Variants in LCLAT1 observed in about 807,000 individuals in gnomAD.
The protein encoded by LCLAT1 is 1-AGP acyltransferase 8.
Under a neutral mutation model 30.7 loss-of-function variants are expected in LCLAT1, and 11 were observed. That is an observed-to-expected ratio of 0.36 (90% CI 0.23 to 0.59). The LOEUF is 0.59. Ranked by LOEUF, LCLAT1 falls within the 20% of genes least tolerant of loss-of-function variation. The probability of loss-of-function intolerance (pLI) is 0.77; values close to 1 mark genes in which losing one functional copy is unlikely to be tolerated. For missense variants in LCLAT1, 402 were observed against 458.6 expected, an observed-to-expected ratio of 0.88 and a Z score of 1.13; for synonymous variants, 155 against 151.3, an observed-to-expected ratio of 1.02 and a Z score of -0.18.
Position 30,630,966 on chromosome 2 carries a change from A to G in LCLAT1, c.629-9151A>G, listed in dbSNP as rs186797679. ...GCCTGTTCAAAAACAGAAAATGCCAAAAATTTCTCCTGTAAGTTGTAATTG... is the reference window on the plus strand; with the variant it reads ...GCCTGTTCAAAAACAGAAAATGCCAGAAATTTCTCCTGTAAGTTGTAATTG... On this transcript the variant is annotated intron_variant, in intron 5 of 5. Transcript: ENST00000379509. Among the ~76,000 whole-genome samples the G allele has an allele frequency of 3.3e-5, 5 of 152,328 alleles. No homozygotes were observed. The East Asian group carries it at 7.7e-4, about 23-fold the overall frequency.
At chr2:30,459,696 C>T (rs1219116884) in intron 1 of LCLAT1, 2 of 1,613,788 alleles carry the variant, frequency 1.2e-6, no homozygotes, top group East Asian at 2.2e-5. Context: ...GCACGTACTT[C>T]ATAAAGCAGG....
intron 5 of LCLAT1, among the ~76,000 whole-genome samples, chr2:30,623,345 C>T (rs1279952977): frequency 2.0e-5 from 3 of 152,132 alleles, no homozygotes; most frequent in Non-Finnish European, 2.9e-5. Flanking sequence ...TGAGCCACCA[C>T]ACCTGGCCCT....
chr2:30,627,135 G>A (rs1668547784), intron 5 of LCLAT1, among the ~76,000 whole-genome samples: 1 of 152,168 alleles, frequency 6.6e-6, no homozygotes, highest in Admixed American at 6.5e-5. Flanking sequence ...ACAAAGAACA[G>A]CAAAAGTGAG....
chr2:30,584,358 T>TG (rs1666338013), intron 5 of LCLAT1, among the ~76,000 whole-genome samples: 1 of 152,240 alleles, frequency 6.6e-6, no homozygotes, highest in African/African-American at 2.4e-5. Flanking sequence ...TTGTTGTTGT[T>TG]GCAGTTGTTC....
chr2:30,466,444 C>G (rs938917162), intron 1 of LCLAT1, among the ~76,000 whole-genome samples: 2 of 151,938 alleles, frequency 1.3e-5, no homozygotes, highest in Non-Finnish European at 2.9e-5. Context: ...ATCCATATTT[C>G]TATTTTTGTT....
At chr2:30,551,663 T>C (rs1572612829) in intron 3 of LCLAT1, among the ~76,000 whole-genome samples, 1 of 152,150 alleles carries the variant, frequency 6.6e-6, no homozygotes, top group African/African-American at 2.4e-5. Context: ...TTTCTTTCTG[T>C]AGGATTGCTA....
chr2:30,578,648 T>TA (rs745731599), intron 5 of LCLAT1, among the ~76,000 whole-genome samples: 16 of 152,256 alleles, frequency 1.1e-4, no homozygotes, highest in South Asian at 2.1e-4. Context: ...CTCTCAAAGC[T>TA]AAAAAACAAA....
intron 5 of LCLAT1, among the ~76,000 whole-genome samples, chr2:30,617,554 C>T (rs1668052172): frequency 6.6e-6 from 1 of 152,164 alleles, no homozygotes; most frequent in African/African-American, 2.4e-5. Context: ...CATACCTATG[C>T]TGTCATTCTC....
intron 3 of LCLAT1, among the ~76,000 whole-genome samples, chr2:30,551,579 A>G (rs777579657): frequency 4.6e-5 from 7 of 152,166 alleles, no homozygotes; most frequent in Non-Finnish European, 1.0e-4. Flanking sequence ...AAAGGACACA[A>G]ATTTATTATA....
chr2:30,612,898 A>T (rs1454011478), intron 5 of LCLAT1, among the ~76,000 whole-genome samples: 1 of 152,158 alleles, frequency 6.6e-6, no homozygotes, highest in Non-Finnish European at 1.5e-5. Flanking sequence ...GGAATACACC[A>T]ATGAATAAAA....
At chr2:30,549,475 TAGAA>T (rs1664583680) in intron 3 of LCLAT1, among the ~76,000 whole-genome samples, 1 of 152,216 alleles carries the variant, frequency 6.6e-6, no homozygotes, top group African/African-American at 2.4e-5. Context: ...GTAACTTCAG[TAGAA>T]AGAAATTCAG....
intron 5 of LCLAT1, among the ~76,000 whole-genome samples, chr2:30,573,426 C>G (rs1336450397): frequency 6.6e-6 from 1 of 152,148 alleles, no homozygotes; most frequent in Non-Finnish European, 1.5e-5. Context: ...AGATAGGTAT[C>G]CAGGTACTGG....
intron 1 of LCLAT1, among the ~76,000 whole-genome samples, chr2:30,457,971 T>C (rs1681916535): frequency 6.6e-6 from 1 of 152,152 alleles, no homozygotes; most frequent in South Asian, 2.1e-4. Flanking sequence ...ATAAGAATTC[T>C]TTTTAAAAAA....
chr2:30,529,158 A>G (rs1436754915), intron 2 of LCLAT1, among the ~76,000 whole-genome samples: 1 of 152,260 alleles, frequency 6.6e-6, no homozygotes, highest in African/African-American at 2.4e-5. Flanking sequence ...ATTAGGATAA[A>G]TGCACTTAAA....
At position 30,591,832 on chromosome 2, in the gene LCLAT1, AC is replaced by A. The variant is rs1227800288; in HGVS notation, c.628+23658del. Among the ~76,000 whole-genome samples the A allele has an allele frequency of 8.5e-5, 13 of 152,174 alleles. 1 individual carries two copies. The East Asian group carries it at 2.3e-3, about 27-fold the overall frequency. On this transcript the variant is annotated intron_variant, in intron 5 of 5. Transcript: ENST00000379509. ...CTAGTCCAGAGCTGAATACCTATAC[AC>A]CTTGAAAATTGGCTTGGTTATTGCC...
At chr2:30,519,350 A>G (rs1359808533) in intron 1 of LCLAT1, among the ~76,000 whole-genome samples, 2 of 152,218 alleles carry the variant, frequency 1.3e-5, no homozygotes. Context: ...CTGCTAGCCC[A>G]TGCTCTGATG....
intron 1 of LCLAT1, among the ~76,000 whole-genome samples, chr2:30,459,090 C>G (rs987969440): frequency 2.6e-5 from 4 of 152,072 alleles, no homozygotes; most frequent in African/African-American, 7.2e-5. Context: ...TGTGGTCATG[C>G]TTGCTTTCCT....
intron 1 of LCLAT1, among the ~76,000 whole-genome samples, chr2:30,516,665 G>A (rs879706875): frequency 2.6e-5 from 4 of 152,118 alleles, no homozygotes; most frequent in Non-Finnish European, 5.9e-5. Flanking sequence ...GGAGCAGCCT[G>A]CCATCATCTT....
At chr2:30,554,954 A>C (rs1338656548) in intron 3 of LCLAT1, among the ~76,000 whole-genome samples, 3 of 150,374 alleles carry the variant, frequency 2.0e-5, no homozygotes, top group African/African-American at 7.3e-5. Flanking sequence ...TCTTAAACAG[A>C]AGGAATGTTT....
Sources: allele counts gnomAD v4.1 joint callset (sites outside exome capture counted in the v4.1 genomes callset), GRCh38; gene constraint gnomAD v4.1.1; transcripts MANE v1.5; gene names NCBI Gene and HGNC (gene_info 2026-07-23, HGNC 2026-07-21).